The following RBMXL1 variants were observed in gnomAD, a reference collection of about 807,000 sequenced individuals.
RBMXL1 encodes RBMX like 1, also known as RNA binding motif protein, X-linked-like-1.
RBMXL1 carries 18 observed loss-of-function variants against 29.0 expected under a neutral mutation model. That is an observed-to-expected ratio of 0.62 (90% CI 0.43 to 0.92). The LOEUF (loss-of-function observed/expected upper bound fraction) is 0.92. Ranked by LOEUF, RBMXL1 falls within the 40% of genes least tolerant of loss-of-function variation. RBMXL1 has a pLI of 0.00. For synonymous variants in RBMXL1, 141 were observed against 170.4 expected, an observed-to-expected ratio of 0.83 and a Z score of 1.34; for missense variants, 403 against 495.8, an observed-to-expected ratio of 0.81 and a Z score of 1.78.
rs1441235008 is a variant in RBMXL1, at chr1:88,983,393, C to G, written c.434G>C (p.Gly145Ala). The change falls in exon 3 of 3, where the codon GGA (glycine) becomes GCA (alanine). Residue 145 changes from glycine (G) to alanine (A), a missense_variant. By Grantham distance (60) the Gly-to-Ala change is moderately conservative. Coordinates refer to ENST00000652648, the MANE Select transcript of RBMXL1 (RefSeq NM_001162536.3). ...TGGTCCTCTTTTTACTGGGAGTGGT[C>G]CCCTGGAAGAACTCATGTTAAAATT... ...SMNFNMSSSR[G>A]PLPVKRGPPP... 1.5e-5 allele frequency: 24 copies of G among 1,614,160 alleles called. No homozygotes were observed. The highest frequency in any genetic ancestry group is 2.0e-5 in the Non-Finnish European group (24 of 1,180,026).
chr1:88,987,781 T>C (rs1386576831), intron 2 of RBMXL1, among the ~76,000 whole-genome samples: 3 of 152,232 alleles, frequency 2.0e-5, no homozygotes, highest in Non-Finnish European at 4.4e-5. Context: ...TCACCAACAA[T>C]AATTTCTTGT....
At chr1:88,988,433 T>A in intron 1 of RBMXL1, 82 bp from the exon 2 acceptor site, 1 of 715,792 alleles carries the variant, frequency 1.4e-6, no homozygotes, top group Non-Finnish European at 2.3e-6. Flanking sequence ...CTAGCTGATG[T>A]ATCATAAGCT....
chr1:88,982,651 T>C lies in RBMXL1; in HGVS notation c.*3A>G. 1.3e-6 allele frequency: 2 copies of C among 1,587,806 alleles called. No individual in the cohort carries two copies. The highest frequency in any genetic ancestry group is 1.7e-6 in the Non-Finnish European group (2 of 1,168,314). On this transcript the variant is annotated 3_prime_UTR_variant, in exon 3 of 3. Transcript: ENST00000652648. Reference sequence around the variant, plus strand: ...GGATTTTGGTCCAAAGTTTTGTTTGTTTCTAGTATCTGCTTCTGCCTCCCC... The same window carrying C: ...GGATTTTGGTCCAAAGTTTTGTTTGCTTCTAGTATCTGCTTCTGCCTCCCC...
At chr1:88,988,217 G>T (rs778842802) in intron 2 of RBMXL1, 35 bp downstream of exon 2, 2 of 1,400,916 alleles carry the variant, frequency 1.4e-6, no homozygotes, top group African/African-American at 1.4e-5. Context: ...TGCAGAATAT[G>T]TACAATAATT....
At chr1:88,991,730 G>A (rs199903497) in intron 1 of RBMXL1, among the ~76,000 whole-genome samples, 61 of 152,370 alleles carry the variant, frequency 4.0e-4, no homozygotes, top group African/African-American at 1.4e-3. Context: ...TCTCCAGAAG[G>A]AAAGCAGTGC....
At chr1:88,989,601 T>C (rs780412413) in intron 1 of RBMXL1, among the ~76,000 whole-genome samples, 3 of 152,156 alleles carry the variant, frequency 2.0e-5, no homozygotes, top group Non-Finnish European at 4.4e-5. Flanking sequence ...CCTGGGTCAG[T>C]TGCCAGGAAT....
At chr1:88,987,487 C>A (rs534438171) in intron 2 of RBMXL1, among the ~76,000 whole-genome samples, 2 of 152,024 alleles carry the variant, frequency 1.3e-5, no homozygotes, top group African/African-American at 4.8e-5. Flanking sequence ...AGGTTGAATA[C>A]AAAATTGTCA....
At position 88,980,464 on chromosome 1, in the gene RBMXL1, C is replaced by G. The variant is rs1246531423; in HGVS notation, c.*2190G>C. ...GCCATGTTAAAGTTGTATTAAGTTTCAATACAAAACATTCCAAAAAGTGAA... is the reference window on the plus strand; with the variant it reads ...GCCATGTTAAAGTTGTATTAAGTTTGAATACAAAACATTCCAAAAAGTGAA... On this transcript the variant is annotated 3_prime_UTR_variant, in exon 3 of 3. Coordinates refer to ENST00000652648, the MANE Select transcript of RBMXL1 (RefSeq NM_001162536.3). 2 of 150,282 alleles carry G rather than the reference C, an allele frequency of 1.3e-5. No homozygotes were observed. The highest frequency in any genetic ancestry group is 2.1e-4 in the South Asian group (1 of 4,754). 9.3% of individuals were successfully genotyped at this position (150,282 alleles called of 1,614,324 possible).
At chr1:88,990,387 C>T (rs538490982) in intron 1 of RBMXL1, among the ~76,000 whole-genome samples, 1 of 152,308 alleles carries the variant, frequency 6.6e-6, no homozygotes, top group South Asian at 2.1e-4. Context: ...CAACCCAGTG[C>T]AGTCTGACTT....
In RBMXL1 at chr1:88,991,079, A is replaced by C. The variant is rs570823395; in HGVS notation, c.-341+1506T>G. Among the ~76,000 whole-genome samples, 24 of 152,306 alleles carry C rather than the reference A, an allele frequency of 1.6e-4. No homozygotes were observed. In the South Asian group the frequency reaches 5.0e-3, roughly 32 times the overall value. On this transcript the variant is annotated intron_variant, in intron 1 of 2. Coordinates refer to ENST00000652648, the MANE Select transcript of RBMXL1 (RefSeq NM_001162536.3). Reference sequence around the variant, plus strand: ...TTATGCATAAAGTCCATATTCCAAAACGCATGATCTATAGAAATGAAACTG... The same window carrying C: ...TTATGCATAAAGTCCATATTCCAAACCGCATGATCTATAGAAATGAAACTG...
chr1:88,987,626 T>G (rs956103099), intron 2 of RBMXL1, among the ~76,000 whole-genome samples: 2 of 152,214 alleles, frequency 1.3e-5, no homozygotes, highest in Non-Finnish European at 2.9e-5. Flanking sequence ...GATTCAGTAA[T>G]TCTCAAGATT....
At chr1:88,991,127 G>A (rs929740782) in intron 1 of RBMXL1, among the ~76,000 whole-genome samples, 2 of 152,196 alleles carry the variant, frequency 1.3e-5, no homozygotes, top group Non-Finnish European at 2.9e-5. Flanking sequence ...CAACGGTTTA[G>A]ACTGTTTAAA....
intron 1 of RBMXL1, among the ~76,000 whole-genome samples, chr1:88,991,662 C>T (rs912342786): frequency 2.0e-5 from 3 of 152,220 alleles, no homozygotes; most frequent in Admixed American, 2.0e-4. Flanking sequence ...TAAGGAGACA[C>T]GAGCCTGAAA....
chr1:88,982,438 T>G lies in RBMXL1; in HGVS notation c.*216A>C. ...AGGCTTAACACATTTAACATTTGCT[T>G]GTTGAAAAGCAATGTCATAAAGTCA... On this transcript the variant is annotated 3_prime_UTR_variant, in exon 3 of 3. Coordinates refer to ENST00000652648, the MANE Select transcript of RBMXL1 (RefSeq NM_001162536.3). The G allele has an allele frequency of 1.0e-6, 1 of 988,954 alleles. No individual in the cohort carries two copies. The highest frequency in any genetic ancestry group is 1.4e-6 in the Non-Finnish European group (1 of 700,902). 61.3% of individuals were successfully genotyped at this position (988,954 alleles called of 1,614,324 possible).
At chr1:88,987,419 T>A (rs1007288780) in intron 2 of RBMXL1, among the ~76,000 whole-genome samples, 1 of 152,166 alleles carries the variant, frequency 6.6e-6, no homozygotes, top group African/African-American at 2.4e-5. Flanking sequence ...CTGATGATGG[T>A]TTTTATGAAA....
intron 2 of RBMXL1, 26 bp from the exon 3 acceptor site, chr1:88,984,092 A>G: frequency 2.0e-6 from 1 of 493,504 alleles, no homozygotes; most frequent in East Asian, 3.5e-5. Flanking sequence ...AAATGAAAGT[A>G]AAACTCAGAA....
At chr1:88,988,839 G>C (rs1050652975) in intron 1 of RBMXL1, among the ~76,000 whole-genome samples, 1 of 152,200 alleles carries the variant, frequency 6.6e-6, no homozygotes, top group Non-Finnish European at 1.5e-5. Flanking sequence ...GTAGGTCCTT[G>C]ATAAATATAA....
chr1:88,989,366 T>G (rs1467170424), intron 1 of RBMXL1, among the ~76,000 whole-genome samples: 1 of 152,124 alleles, frequency 6.6e-6, no homozygotes, highest in Non-Finnish European at 1.5e-5. Context: ...AAAGCAGAAT[T>G]CAATCTTAAA....
intron 1 of RBMXL1, among the ~76,000 whole-genome samples, chr1:88,989,432 T>C (rs72726527): frequency 0.018 from 2,714 of 152,328 alleles, 34 homozygotes; most frequent in Non-Finnish European, 0.028. Flanking sequence ...AGTTTCTCCA[T>C]TTTTCACAAT....
Sources: allele counts gnomAD v4.1 joint callset (sites outside exome capture counted in the v4.1 genomes callset), GRCh38; gene constraint gnomAD v4.1.1; transcripts MANE v1.5; gene names NCBI Gene and HGNC (gene_info 2026-07-23, HGNC 2026-07-21).